MAN1C1: variants seen among roughly 807,000 people sequenced by gnomAD.
MAN1C1 encodes the protein mannosyl-oligosaccharide 1,2-alpha-mannosidase IC.
A neutral mutation model predicts 71.5 loss-of-function variants in MAN1C1; 49 were observed. The observed-to-expected ratio is 0.69, with a 90% confidence interval of 0.54 to 0.87. MAN1C1 has a LOEUF of 0.87. Ranked by LOEUF, MAN1C1 falls within the 40% of genes least tolerant of loss-of-function variation. MAN1C1 has a pLI of 0.00. For synonymous variants in MAN1C1, 352 were observed against 343.7 expected, an observed-to-expected ratio of 1.02 and a Z score of -0.27; for missense variants, 743 against 835.0, an observed-to-expected ratio of 0.89 and a Z score of 1.36.
intron 11 of MAN1C1, 111 bp from the exon 12 acceptor site, chr1:25,783,552 C>A: frequency 7.8e-7 from 1 of 1,278,188 alleles, no homozygotes; most frequent in Non-Finnish European, 1.1e-6. Context: ...AGGCTCCAGA[C>A]CTTGACCATA....
chr1:25,660,122 C>T (rs1327823350), intron 1 of MAN1C1, among the ~76,000 whole-genome samples: 1 of 152,120 alleles, frequency 6.6e-6, no homozygotes, highest in Non-Finnish European at 1.5e-5. Context: ...TTATATATGG[C>T]CCAGTGTGGT....
At chr1:25,672,977 AT>A (rs2046012788) in intron 1 of MAN1C1, among the ~76,000 whole-genome samples, 3 of 151,970 alleles carry the variant, frequency 2.0e-5, no homozygotes, top group African/African-American at 7.3e-5. Context: ...TGGAGAAAGG[AT>A]GGGGGTGACA....
At chr1:25,744,251 G>A (rs115148741) in intron 2 of MAN1C1, among the ~76,000 whole-genome samples, 170 of 152,244 alleles carry the variant, frequency 1.1e-3, no homozygotes, top group Admixed American at 4.8e-3. Context: ...TGAGCACCTC[G>A]AGAGGGTGAA....
chr1:25,739,560 A>G (rs2047030755), intron 2 of MAN1C1, among the ~76,000 whole-genome samples: 1 of 152,140 alleles, frequency 6.6e-6, no homozygotes, highest in Non-Finnish European at 1.5e-5. Flanking sequence ...TAAAAACATC[A>G]TCATCATTAA....
At chr1:25,683,052 A>G (rs892549062) in intron 1 of MAN1C1, among the ~76,000 whole-genome samples, 9 of 151,896 alleles carry the variant, frequency 5.9e-5, no homozygotes, top group Non-Finnish European at 1.0e-4. Context: ...AAAAAAAAAA[A>G]AGAGACTACT....
rs1177413229 is a variant in MAN1C1 at position 25,631,215 on chromosome 1, G to A, written c.540+12878G>A. On this transcript the variant is annotated intron_variant, in intron 1 of 11. Coordinates refer to ENST00000374332, the MANE Select transcript of MAN1C1 (RefSeq NM_020379.4). The surrounding 1 kb of genome is among the most constrained non-coding windows in gnomAD (Gnocchi z 4.2). ...ACTCCTGAGCTTAGGCAGTCCACCCGCCTCAGCCTCCCAAAGTGCTAGGAT... is the reference window on the plus strand; with the variant it reads ...ACTCCTGAGCTTAGGCAGTCCACCCACCTCAGCCTCCCAAAGTGCTAGGAT... Among the ~76,000 whole-genome samples the A allele has an allele frequency of 2.6e-5, 4 of 152,178 alleles. No homozygotes were observed. Among genetic ancestry groups the A allele is most frequent in the African/African-American group, 4.8e-5 (2 of 41,508 alleles).
intron 2 of MAN1C1, among the ~76,000 whole-genome samples, chr1:25,706,400 A>G (rs559298408): frequency 8.0e-4 from 122 of 152,214 alleles, no homozygotes; most frequent in Non-Finnish European, 1.6e-3. Flanking sequence ...AGACGGGAAC[A>G]TGTGGCCACT....
At chr1:25,678,888 G>A (rs1572143239) in intron 1 of MAN1C1, among the ~76,000 whole-genome samples, 2 of 152,154 alleles carry the variant, frequency 1.3e-5, no homozygotes, top group African/African-American at 2.4e-5. Flanking sequence ...GGGAATGGTG[G>A]TTGTTAAATA....
chr1:25,665,199 G>A (rs1209452623), intron 1 of MAN1C1, among the ~76,000 whole-genome samples: 2 of 152,174 alleles, frequency 1.3e-5, no homozygotes, highest in African/African-American at 4.8e-5. Context: ...CTATGGAATG[G>A]ACTATCAATG....
At chr1:25,747,552 T>G (rs2047147457) in intron 3 of MAN1C1, among the ~76,000 whole-genome samples, 1 of 152,024 alleles carries the variant, frequency 6.6e-6, no homozygotes, top group African/African-American at 2.4e-5. Flanking sequence ...GCTCCGGGAG[T>G]GCCAGGTCCT....
At chr1:25,692,033 C>T (rs80330724) in intron 2 of MAN1C1, among the ~76,000 whole-genome samples, 1,575 of 152,288 alleles carry the variant, frequency 0.01, 28 homozygotes, top group African/African-American at 0.034. Context: ...TCTTTGATGG[C>T]GAGTCCAACC....
At chr1:25,771,396 G>A (rs935006955) in intron 7 of MAN1C1, among the ~76,000 whole-genome samples, 4 of 152,068 alleles carry the variant, frequency 2.6e-5, no homozygotes, top group Non-Finnish European at 4.4e-5. Flanking sequence ...CTGCTAAGGC[G>A]AGGTGATTTA....
intron 1 of MAN1C1, among the ~76,000 whole-genome samples, chr1:25,669,582 C>T (rs865844781): frequency 5.9e-5 from 9 of 151,960 alleles, no homozygotes; most frequent in South Asian, 2.1e-4. Context: ...GCTTGGGCAA[C>T]GTATCGAGAC....
intron 1 of MAN1C1, among the ~76,000 whole-genome samples, chr1:25,637,231 T>C (rs2045475667): frequency 6.6e-6 from 1 of 152,256 alleles, no homozygotes; most frequent in African/African-American, 2.4e-5. Flanking sequence ...AATCAACTTT[T>C]AGTCTTCTTA....
At chr1:25,657,363 C>T (rs2045782659) in intron 1 of MAN1C1, among the ~76,000 whole-genome samples, 1 of 152,230 alleles carries the variant, frequency 6.6e-6, no homozygotes, top group Non-Finnish European at 1.5e-5. Context: ...TCAGGCCAGC[C>T]TGGCCAGGAT....
At chr1:25,721,656 T>C (rs2046767848) in intron 2 of MAN1C1, among the ~76,000 whole-genome samples, 1 of 152,222 alleles carries the variant, frequency 6.6e-6, no homozygotes, top group African/African-American at 2.4e-5. Flanking sequence ...TCAGTTGTAA[T>C]GGTGTTTTAG....
chr1:25,721,345 T>A (rs554942604), intron 2 of MAN1C1, among the ~76,000 whole-genome samples: 16 of 152,296 alleles, frequency 1.1e-4, no homozygotes, highest in Non-Finnish European at 1.8e-4. Flanking sequence ...TTGATAGGGA[T>A]TACACTGAAT....
chr1:25,638,403 T>G (rs1480142238), intron 1 of MAN1C1, among the ~76,000 whole-genome samples: 1 of 152,226 alleles, frequency 6.6e-6, no homozygotes, highest in Non-Finnish European at 1.5e-5. Context: ...TATTTTTGCT[T>G]TAAACAGTCA....
intron 5 of MAN1C1, among the ~76,000 whole-genome samples, chr1:25,757,211 C>A (rs796555765): frequency 6.6e-6 from 1 of 152,224 alleles, no homozygotes; most frequent in Non-Finnish European, 1.5e-5. Context: ...CACACCCCCA[C>A]GCCTGCCTTC....
Sources: allele counts gnomAD v4.1 joint callset (sites outside exome capture counted in the v4.1 genomes callset), GRCh38; gene constraint gnomAD v4.1.1; non-coding constraint Gnocchi (gnomAD v3.1); transcripts MANE v1.5; gene names NCBI Gene and HGNC (gene_info 2026-07-23, HGNC 2026-07-21).